CSMD1: variants seen among roughly 807,000 people sequenced by gnomAD.
CSMD1 encodes CUB and sushi domain-containing protein 1.
In CSMD1, 213 loss-of-function variants were observed where a neutral mutation model predicts 417.5. The observed-to-expected ratio is 0.51, with a 90% CI of 0.46 to 0.57. CSMD1 has a LOEUF of 0.57. Ranked by LOEUF, CSMD1 falls within the 20% of genes least tolerant of loss-of-function variation. CSMD1 has a pLI of 0.00. For missense variants in CSMD1, 6,923 were observed against 4,529.7 expected (o/e 1.53, Z -15.17); for synonymous variants, 2,862 against 1,736.8 (o/e 1.65, Z -16.11).
At chr8:3,128,646 A>G (rs1350979523) in intron 41 of CSMD1, 1 of 307,558 alleles carries the variant, frequency 3.3e-6, no homozygotes, top group Non-Finnish European at 6.4e-6. Flanking sequence ...ACACTGACAA[A>G]CTATCTAATT....
intron 1 of CSMD1, among the ~76,000 whole-genome samples, chr8:4,844,548 A>G (rs956605959): frequency 6.6e-6 from 1 of 152,178 alleles, no homozygotes; most frequent in African/African-American, 2.4e-5. Context: ...TCGAGATTCA[A>G]TAACCAGCCA....
chr8:4,126,035 C>G (rs1195855191), intron 3 of CSMD1, among the ~76,000 whole-genome samples: 1 of 152,096 alleles, frequency 6.6e-6, no homozygotes, highest in African/African-American at 2.4e-5. Flanking sequence ...GCTGATACCA[C>G]CAAGACTTTT....
At chr8:3,550,755 G>T (rs1333435078) in intron 10 of CSMD1, among the ~76,000 whole-genome samples, 9 of 152,144 alleles carry the variant, frequency 5.9e-5, no homozygotes, top group Non-Finnish European at 7.3e-5. Context: ...TGGCCAACCA[G>T]GCTTGCACCA....
At chr8:4,382,713 CTTTGTT>C (rs560199043) in intron 3 of CSMD1, among the ~76,000 whole-genome samples, 85 of 151,110 alleles carry the variant, frequency 5.6e-4, no homozygotes, top group Non-Finnish European at 8.2e-4. Context: ...TTACTGGCTT[CTTTGTT>C]TTTAACGCTT....
At chr8:4,980,214 G>A (rs1810809930) in intron 1 of CSMD1, among the ~76,000 whole-genome samples, 1 of 152,180 alleles carries the variant, frequency 6.6e-6, no homozygotes. Flanking sequence ...GAGCTTCGAG[G>A]TTGGATACTG....
intron 1 of CSMD1, among the ~76,000 whole-genome samples, chr8:4,836,895 G>C (rs1046212518): frequency 1.3e-5 from 2 of 152,126 alleles, no homozygotes; most frequent in Non-Finnish European, 2.9e-5. Flanking sequence ...CACTCTGTCT[G>C]AGGCTATGGT....
chr8:3,656,094 T>A (rs1038635510), intron 7 of CSMD1, among the ~76,000 whole-genome samples: 1 of 152,178 alleles, frequency 6.6e-6, no homozygotes, highest in Non-Finnish European at 1.5e-5. Flanking sequence ...TACACACAGA[T>A]GCTACCAGAA....
rs762669726 is a variant in CSMD1, at chr8:4,171,493, G to A, written c.416-139394C>T. ...GAAATACATAAGAACAGATGCATAT[G>A]TGATCAATCTTTGTACTCTACAGTT... is the stretch of plus-strand genomic sequence containing the variant. On this transcript the variant is annotated intron_variant, in intron 3 of 69. Coordinates refer to ENST00000635120, the MANE Select transcript of CSMD1 (RefSeq NM_033225.6). Among the ~76,000 whole-genome samples, 90 of 151,778 alleles carry A rather than the reference G, an allele frequency of 5.9e-4. 1 individual carries two copies. Among genetic ancestry groups the A allele is most frequent in the Non-Finnish European group, 5.0e-4 (34 of 68,032 alleles).
At chr8:3,374,002 G>A (rs1264568167) in intron 18 of CSMD1, among the ~76,000 whole-genome samples, 1 of 150,086 alleles carries the variant, frequency 6.7e-6, no homozygotes, top group Non-Finnish European at 1.5e-5. Context: ...GCCCAGGCTG[G>A]AGTGCAGTGG....
intron 7 of CSMD1, among the ~76,000 whole-genome samples, chr8:3,647,508 CAG>C (rs1434325466): frequency 1.3e-5 from 2 of 151,908 alleles, no homozygotes; most frequent in Non-Finnish European, 2.9e-5. Context: ...AGAAGTATAT[CAG>C]AGAAATATAG....
intron 1 of CSMD1, among the ~76,000 whole-genome samples, chr8:4,875,528 G>C (rs1023559033): frequency 2.0e-4 from 30 of 152,000 alleles, no homozygotes; most frequent in African/African-American, 6.0e-4. Context: ...CATTTGTCTA[G>C]CGCCATCTAC....
At chr8:3,077,454 A>G (rs2129001588) in intron 49 of CSMD1, among the ~76,000 whole-genome samples, 1 of 152,316 alleles carries the variant, frequency 6.6e-6, no homozygotes, top group Admixed American at 6.5e-5. Context: ...ATGGACATAA[A>G]CACCTGCCTT....
intron 1 of CSMD1, among the ~76,000 whole-genome samples, chr8:4,674,553 T>C (rs140639325): frequency 2.4e-4 from 36 of 152,222 alleles, no homozygotes; most frequent in African/African-American, 6.7e-4. Flanking sequence ...CATAATAGTA[T>C]TGAACAAAGA....
chr8:4,920,374 T>C (rs1205390853), intron 1 of CSMD1, among the ~76,000 whole-genome samples: 1 of 152,202 alleles, frequency 6.6e-6, no homozygotes, highest in Non-Finnish European at 1.5e-5. Flanking sequence ...AGAAAATGCA[T>C]ATGGAAATGC....
intron 1 of CSMD1, among the ~76,000 whole-genome samples, chr8:4,877,505 G>A (rs991578749): frequency 5.9e-5 from 9 of 151,992 alleles, no homozygotes; most frequent in South Asian, 4.2e-4. Flanking sequence ...ATCTCTTCCC[G>A]ATCCCCTAAA....
At chr8:3,740,271 A>T (rs1346257039) in intron 6 of CSMD1, among the ~76,000 whole-genome samples, 1 of 152,080 alleles carries the variant, frequency 6.6e-6, no homozygotes, top group Admixed American at 6.6e-5. Flanking sequence ...ATGCCCAGCG[A>T]ATTTTTCTAT....
At chr8:3,692,569 G>C (rs11775801) in intron 7 of CSMD1, among the ~76,000 whole-genome samples, 44,391 of 151,842 alleles carry the variant, frequency 0.29, 7,348 homozygotes, top group South Asian at 0.41. Flanking sequence ...CGAGCATCTG[G>C]GATAACAGGC....
intron 5 of CSMD1, among the ~76,000 whole-genome samples, chr8:3,780,087 T>C (rs1314946232): frequency 6.6e-6 from 1 of 152,226 alleles, no homozygotes; most frequent in Non-Finnish European, 1.5e-5. Context: ...ATCCTTTTAC[T>C]GTACCAGTCG....
chr8:3,292,110 G>T (rs1210906169), intron 25 of CSMD1, among the ~76,000 whole-genome samples: 1 of 152,132 alleles, frequency 6.6e-6, no homozygotes, highest in Non-Finnish European at 1.5e-5. Context: ...GGAGCAGGTT[G>T]TTCAGTTTCC....
Sources: gnomAD v4.1 joint callset for allele counts (sites outside exome capture counted in the v4.1 genomes callset) on GRCh38, gnomAD v4.1.1 for gene constraint, MANE v1.5 for transcripts, NCBI Gene and HGNC (gene_info 2026-07-23, HGNC 2026-07-21) for gene names.